EFNA5: variants seen among roughly 807,000 people sequenced by gnomAD.
EFNA5 encodes the protein ephrin A5, also known as ephrin-A5.
EFNA5 carries 5 observed loss-of-function variants against 22.9 expected under a neutral mutation model. The ratio of observed to expected loss-of-function variants is 0.22; its 90% confidence interval spans 0.11 to 0.46. EFNA5 has a LOEUF of 0.46. EFNA5 is among the 20% of genes least tolerant of loss of function. The pLI, the probability that EFNA5 is intolerant of heterozygous loss-of-function variation, is 0.99. For missense variants in EFNA5, 237 were observed against 293.3 expected (o/e 0.81, Z 1.40); for synonymous variants, 113 against 112.2 (o/e 1.01, Z -0.04).
At chr5:107,434,171 C>T (rs1749048494) in intron 1 of EFNA5, among the ~76,000 whole-genome samples, 1 of 152,206 alleles carries the variant, frequency 6.6e-6, no homozygotes. Flanking sequence ...GGTACATCTA[C>T]TACTTGAATA....
At chr5:107,616,631 T>C (rs1749921857) in intron 1 of EFNA5, among the ~76,000 whole-genome samples, 1 of 152,168 alleles carries the variant, frequency 6.6e-6, no homozygotes, top group Non-Finnish European at 1.5e-5. Context: ...TCTGTGTGTA[T>C]TCTGGACAAA....
intron 1 of EFNA5, among the ~76,000 whole-genome samples, chr5:107,629,647 C>T (rs1400358560): frequency 6.6e-6 from 1 of 152,208 alleles, no homozygotes; most frequent in Non-Finnish European, 1.5e-5. Context: ...TTCAATTTTG[C>T]TGCAAATCTA....
At chr5:107,547,540 A>T (rs558851023) in intron 1 of EFNA5, among the ~76,000 whole-genome samples, 3 of 152,054 alleles carry the variant, frequency 2.0e-5, no homozygotes, top group African/African-American at 7.3e-5. Flanking sequence ...AAAAAAAAAA[A>T]ATACAAGCCT....
chr5:107,634,412 G>A (rs921808802), intron 1 of EFNA5, among the ~76,000 whole-genome samples: 3 of 152,104 alleles, frequency 2.0e-5, no homozygotes, highest in African/African-American at 7.2e-5. Context: ...AGTTACTTAG[G>A]AGGCTGAGGT....
In EFNA5 at chr5:107,381,394, A is replaced by G; in HGVS notation, c.566-18T>C. 1 of 1,595,210 alleles carries G rather than the reference A, an allele frequency of 6.3e-7. No individual in the cohort carries two copies. The highest frequency in any genetic ancestry group is 8.6e-7 in the Non-Finnish European group (1 of 1,165,232). The stretch of plus-strand genomic sequence containing the variant: ...GGTGTCATCTGTTCAAATAGAAAGC[A>G]CACATTCCAATGAGATTTCACATCC... On this transcript the variant is annotated intron_variant, in intron 4 of 4. Coordinates refer to ENST00000333274, the MANE Select transcript of EFNA5 (RefSeq NM_001962.3).
chr5:107,436,366 G>A (rs1244510032), intron 1 of EFNA5, among the ~76,000 whole-genome samples: 1 of 152,198 alleles, frequency 6.6e-6, no homozygotes, highest in East Asian at 1.9e-4. Flanking sequence ...CCCCCAAAGA[G>A]GCCTCGGGCA....
At position 107,670,769 on chromosome 5, in the gene EFNA5, C is replaced by T; in HGVS notation, c.-156G>A. 9.4e-7 allele frequency: 1 copy of T among 1,068,322 alleles called. No homozygotes were observed. Among genetic ancestry groups the T allele is most frequent in the Non-Finnish European group, 1.3e-6 (1 of 754,170 alleles). The allele number at this position is 1,068,322 out of a possible 1,614,324, so 66.2% of individuals were successfully genotyped here. Reference sequence around the variant, plus strand: ...GTGGGCGAGAAAGGAAAGAGGCGCCCACCAAGCTGGGGAGGGGTAGGAGAG... The same window carrying T: ...GTGGGCGAGAAAGGAAAGAGGCGCCTACCAAGCTGGGGAGGGGTAGGAGAG... On this transcript the variant is annotated 5_prime_UTR_variant, in exon 1 of 5. Transcript: ENST00000333274.
intron 1 of EFNA5, among the ~76,000 whole-genome samples, chr5:107,616,436 G>A (rs1749914843): frequency 6.6e-6 from 1 of 152,134 alleles, no homozygotes; most frequent in Non-Finnish European, 1.5e-5. Context: ...AGAGCAGCCT[G>A]GGACTTGAAA....
chr5:107,498,319 C>T (rs1747041601), intron 1 of EFNA5, among the ~76,000 whole-genome samples: 1 of 152,202 alleles, frequency 6.6e-6, no homozygotes, highest in African/African-American at 2.4e-5. Flanking sequence ...ATAGCTCATA[C>T]ACGTATATTT....
At position 107,380,690 on chromosome 5, in the gene EFNA5, C is replaced by T. The variant is rs1580411361; in HGVS notation, c.*565G>A. 5 of 396,874 alleles carry T rather than the reference C, an allele frequency of 1.3e-5. No individual in the cohort carries two copies. Among genetic ancestry groups the T allele is most frequent in the South Asian group, 1.3e-4 (1 of 7,812 alleles). 24.6% of individuals were successfully genotyped at this position (396,874 alleles called of 1,614,324 possible). A position where few individuals can be genotyped will look rare whatever the true frequency, so the allele number is the denominator to read the frequency against. ...TGTCTCAACCTTTTAGAAGCCTGTT[C>T]ATTTACATACTCCTATAGGAAATGG... On this transcript the variant is annotated 3_prime_UTR_variant, in exon 5 of 5. Transcript: ENST00000333274.
intron 1 of EFNA5, among the ~76,000 whole-genome samples, chr5:107,493,840 C>T (rs571182949): frequency 6.6e-6 from 1 of 152,234 alleles, no homozygotes; most frequent in Admixed American, 6.5e-5. Flanking sequence ...CACAACAAAC[C>T]TATAAGGTTT....
intron 1 of EFNA5, among the ~76,000 whole-genome samples, chr5:107,660,959 A>G (rs1007298544): frequency 2.6e-5 from 4 of 152,174 alleles, no homozygotes; most frequent in African/African-American, 9.7e-5. Context: ...AGTTTATTGA[A>G]GCAGTAACAG....
intron 1 of EFNA5, among the ~76,000 whole-genome samples, chr5:107,659,041 T>C: frequency 6.6e-6 from 1 of 152,210 alleles, no homozygotes; most frequent in East Asian, 1.9e-4. Flanking sequence ...TAATTATATG[T>C]ATAAAATTAT....
chr5:107,460,430 T>C (rs1749806556), intron 1 of EFNA5, among the ~76,000 whole-genome samples: 1 of 152,158 alleles, frequency 6.6e-6, no homozygotes, highest in Non-Finnish European at 1.5e-5. Context: ...ACAGCACAAA[T>C]TGATTCAGTA....
At chr5:107,448,945 G>C (rs1249765449) in intron 1 of EFNA5, among the ~76,000 whole-genome samples, 1 of 151,854 alleles carries the variant, frequency 6.6e-6, no homozygotes, top group East Asian at 1.9e-4. Context: ...ACCATGAAGG[G>C]CAATGTGGGG....
In EFNA5 at chr5:107,395,034, C is replaced by CTTTTTTTTTTTTTTT. The variant is rs58619326; in HGVS notation, c.419-7278_419-7264dup. 2.4e-3 allele frequency among the ~76,000 whole-genome samples: 205 copies of CTTTTTTTTTTTTTTT among 86,104 alleles called. 46 individuals carry two copies. Among genetic ancestry groups the CTTTTTTTTTTTTTTT allele is most frequent in the Admixed American group, 3.5e-3 (21 of 5,994 alleles). The allele number at this position is 86,104 out of a possible 152,430, so 56.5% of individuals were successfully genotyped here. A position where few individuals can be genotyped will look rare whatever the true frequency, so the allele number is the denominator to read the frequency against. On this transcript the variant is annotated intron_variant, in intron 2 of 4. Coordinates refer to ENST00000333274, the MANE Select transcript of EFNA5 (RefSeq NM_001962.3). Reference sequence around the variant, plus strand: ...CCCCTTATAAGAAGGATTTCTAGTTCTTTTTTTTTTTTTTTTTTCCGCGAG... The same window carrying CTTTTTTTTTTTTTTT: ...CCCCTTATAAGAAGGATTTCTAGTTCTTTTTTTTTTTTTTTTTTTTTTTTTTTTTTTTTCCGCGAG...
In EFNA5 at chr5:107,660,261, C is replaced by CATATATAT. The variant is rs56838945; in HGVS notation, c.125+10220_125+10227dup. On this transcript the variant is annotated intron_variant, in intron 1 of 4. Coordinates refer to ENST00000333274, the MANE Select transcript of EFNA5 (RefSeq NM_001962.3). ...ACTGGAACCTCTGAGATGGCAAAAA[C>CATATATAT]ATATATATATATATATATATATATA... 8.9e-3 allele frequency among the ~76,000 whole-genome samples: 468 copies of CATATATAT among 52,336 alleles called. 32 individuals carry two copies. The highest frequency in any genetic ancestry group is 0.012 in the Non-Finnish European group (304 of 25,426). 34.3% of individuals were successfully genotyped at this position (52,336 alleles called of 152,430 possible). A position where few individuals can be genotyped will look rare whatever the true frequency, so the allele number is the denominator to read the frequency against.
chr5:107,481,704 G>T (rs1249333931), intron 1 of EFNA5, among the ~76,000 whole-genome samples: 1 of 152,034 alleles, frequency 6.6e-6, no homozygotes, highest in Non-Finnish European at 1.5e-5. Flanking sequence ...ACACAAATTA[G>T]TTGGGTGTGG....
chr5:107,569,473 A>G (rs1094193), intron 1 of EFNA5, among the ~76,000 whole-genome samples: 2,123 of 130,088 alleles, frequency 0.016, 90 homozygotes, highest in African/African-American at 0.066. Context: ...ATTTATATAT[A>G]TGTGTATATA....
Sources: gnomAD v4.1 joint callset for allele counts (sites outside exome capture counted in the v4.1 genomes callset) on GRCh38, gnomAD v4.1.1 for gene constraint, MANE v1.5 for transcripts, NCBI Gene and HGNC (gene_info 2026-07-23, HGNC 2026-07-21) for gene names.